Variants in LRRC72 observed in about 807,000 individuals in gnomAD.
The protein encoded by LRRC72 is leucine-rich repeat-containing protein 72.
A neutral mutation model predicts 35.8 loss-of-function variants in LRRC72; 41 were observed. The observed-to-expected ratio is 1.15, with a 90% confidence interval of 0.89 to 1.49. The LOEUF is 1.49. Among genes scored for constraint, LRRC72 ranks in the 40% most tolerant of loss-of-function variants. LRRC72 has a pLI of 0.00. For missense variants in LRRC72, 389 were observed against 330.7 expected, an observed-to-expected ratio of 1.18 and a Z score of -1.37; for synonymous variants, 118 against 119.2, an observed-to-expected ratio of 0.99 and a Z score of 0.07.
intron 1 of LRRC72, among the ~76,000 whole-genome samples, chr7:16,532,120 A>G (rs2128334380): frequency 6.6e-6 from 1 of 152,294 alleles, no homozygotes; most frequent in Admixed American, 6.5e-5. Flanking sequence ...TGAATTCTCT[A>G]TAGGAAACCT....
rs2301968 is a variant in LRRC72 at position 16,527,020 on chromosome 7, C to G, written c.68C>G (p.Thr23Ser). The G allele has an allele frequency of 0.095, 146,390 of 1,539,014 alleles. 7,561 individuals carry two copies. Among genetic ancestry groups the G allele is most frequent in the East Asian group, 0.14 (5,709 of 40,898 alleles). Residue 23 changes from threonine (T) to serine (S), a missense_variant, in exon 1 of 9, where the codon ACT becomes AGT. Physicochemically the swap from Thr to Ser is moderately conservative, Grantham distance 58. Transcript: ENST00000401542. ...TGGCGCCTACGGAGGGCATCCGAAA[C>G]TGCCCTACAGAGCAGTCGCCGGGTA... is the stretch of plus-strand genomic sequence containing the variant. ...RCWRLRRASE[T>S]ALQSSRRAVE...
At chr7:16,563,991 A>G (rs1386641288) in intron 5 of LRRC72, among the ~76,000 whole-genome samples, 2 of 152,214 alleles carry the variant, frequency 1.3e-5, no homozygotes, top group Admixed American at 1.3e-4. Context: ...GCTAGTTTTT[A>G]AATTTCCATA....
intron 3 of LRRC72, among the ~76,000 whole-genome samples, chr7:16,545,040 T>G (rs1017229466): frequency 1.3e-5 from 2 of 152,216 alleles, no homozygotes; most frequent in Non-Finnish European, 2.9e-5. Flanking sequence ...GCTTTAACAT[T>G]AGGACAAATA....
At chr7:16,543,680 A>G (rs941688906) in intron 3 of LRRC72, among the ~76,000 whole-genome samples, 3 of 152,222 alleles carry the variant, frequency 2.0e-5, no homozygotes, top group East Asian at 3.8e-4. Flanking sequence ...CCTAATTGTA[A>G]CAGACACATA....
intron 3 of LRRC72, among the ~76,000 whole-genome samples, chr7:16,554,791 T>A (rs1342336376): frequency 6.6e-6 from 1 of 152,210 alleles, no homozygotes; most frequent in Non-Finnish European, 1.5e-5. Flanking sequence ...GGGAAAACCA[T>A]GATTCTATAA....
chr7:16,528,710 G>T (rs1323911704), intron 1 of LRRC72, among the ~76,000 whole-genome samples: 1 of 152,038 alleles, frequency 6.6e-6, no homozygotes, highest in Admixed American at 6.5e-5. Context: ...ACACATCACT[G>T]CTAGAGTCAT....
intron 3 of LRRC72, among the ~76,000 whole-genome samples, chr7:16,553,385 T>G (rs1486855745): frequency 6.6e-6 from 1 of 152,186 alleles, no homozygotes. Flanking sequence ...GTTGTTTAAC[T>G]TCTCTGAGCC....
intron 1 of LRRC72, 100 bp from the exon 2 acceptor site, chr7:16,532,395 T>G: frequency 1.3e-6 from 1 of 775,884 alleles, no homozygotes; most frequent in South Asian, 1.6e-5. Context: ...TATTCACCTT[T>G]CTTTTGATCT....
intron 3 of LRRC72, among the ~76,000 whole-genome samples, chr7:16,551,158 G>C (rs1782541793): frequency 2.0e-5 from 3 of 152,162 alleles, no homozygotes; most frequent in African/African-American, 7.2e-5. Flanking sequence ...AGGACAGAGA[G>C]AGCCAGAGAC....
In LRRC72 at chr7:16,581,424, G is replaced by C; in HGVS notation, c.799G>C (p.Glu267Gln). 1 of 1,550,474 alleles carries C rather than the reference G, an allele frequency of 6.4e-7. No homozygotes were observed. The highest frequency in any genetic ancestry group is 8.7e-7 in the Non-Finnish European group (1 of 1,146,866). The change falls in exon 9 of 9, where the codon GAG becomes CAG. Residue 267 changes from glutamate (E) to glutamine (Q), a missense_variant. Coordinates refer to ENST00000401542, the MANE Select transcript of LRRC72 (RefSeq NM_001195280.2). ...GAACTGGGACACAGTTCCAACACGA[G>C]AGGAAAGGTACCTTGAAGAGGAAGG... ...SMNWDTVPTR[E>Q]ERYLEEEGTE...
At chr7:16,540,906 T>C (rs935059115) in intron 3 of LRRC72, among the ~76,000 whole-genome samples, 2 of 152,176 alleles carry the variant, frequency 1.3e-5, no homozygotes, top group East Asian at 1.9e-4. Flanking sequence ...TAGTTCTTTA[T>C]AGCAGTGTGA....
intron 1 of LRRC72, among the ~76,000 whole-genome samples, chr7:16,527,253 C>A (rs187689517): frequency 1.5e-4 from 23 of 152,262 alleles, no homozygotes; most frequent in Non-Finnish European, 2.9e-4. Flanking sequence ...CAGCTACGAG[C>A]GGTGGCGAAC....
intron 5 of LRRC72, among the ~76,000 whole-genome samples, chr7:16,559,810 C>G (rs1173857346): frequency 6.6e-6 from 1 of 151,414 alleles, no homozygotes; most frequent in Non-Finnish European, 1.5e-5. Flanking sequence ...GTGAATAAAC[C>G]ACAAACACAC....
chr7:16,570,893 G>C (rs1227701376), intron 7 of LRRC72, among the ~76,000 whole-genome samples: 1 of 151,866 alleles, frequency 6.6e-6, no homozygotes, highest in Non-Finnish European at 1.5e-5. Context: ...TTTCAAACCA[G>C]AATCTAGTCA....
At chr7:16,579,512 T>A (rs914912263) in intron 7 of LRRC72, among the ~76,000 whole-genome samples, 1 of 152,008 alleles carries the variant, frequency 6.6e-6, no homozygotes, top group African/African-American at 2.4e-5. Flanking sequence ...GCAGTGACAG[T>A]CTCTGGAAGA....
chr7:16,558,302 T>C (rs914688603), intron 4 of LRRC72, among the ~76,000 whole-genome samples: 4 of 152,112 alleles, frequency 2.6e-5, no homozygotes, highest in African/African-American at 9.7e-5. Flanking sequence ...AACAAAATCA[T>C]TGCTACATTT....
rs1224090179 is a variant in LRRC72, at chr7:16,567,397, C to T, written c.524C>T (p.Thr175Ile). 18 of 1,482,338 alleles carry T rather than the reference C, an allele frequency of 1.2e-5. No homozygotes were observed. The highest frequency in any genetic ancestry group is 1.3e-5 in the Non-Finnish European group (15 of 1,114,498). The allele number at this position is 1,482,338 out of a possible 1,614,324, so 91.8% of individuals were successfully genotyped here. ...TACTTTTTGCATTTATCAGAAGTTA[C>T]AGAAAAAGAAAGAAGATCAATGATT... The part of the protein sequence containing the change: ...GVELLDRNQV[T>I]EKERRSMITI... Residue 175 changes from threonine (T) to isoleucine (I), a missense_variant, in exon 7 of 9, where the codon ACA becomes ATA. By Grantham distance (89) the Thr-to-Ile change is moderately conservative. Coordinates refer to ENST00000401542, the MANE Select transcript of LRRC72 (RefSeq NM_001195280.2).
At chr7:16,532,393 T>G (rs1425492761) in intron 1 of LRRC72, 102 bp from the exon 2 acceptor site, 1 of 770,738 alleles carries the variant, frequency 1.3e-6, no homozygotes, top group East Asian at 2.7e-5. Context: ...CATATTCACC[T>G]TTCTTTTGAT....
At chr7:16,543,636 C>T (rs1197475957) in intron 3 of LRRC72, among the ~76,000 whole-genome samples, 1 of 152,206 alleles carries the variant, frequency 6.6e-6, no homozygotes, top group African/African-American at 2.4e-5. Context: ...TCCCACTCTT[C>T]TGGCAGGTGA....
Sources: gnomAD v4.1 joint callset for allele counts (sites outside exome capture counted in the v4.1 genomes callset) on GRCh38, gnomAD v4.1.1 for gene constraint, MANE v1.5 for transcripts, NCBI Gene and HGNC (gene_info 2026-07-23, HGNC 2026-07-21) for gene names.